FGF12: variants seen among roughly 807,000 people sequenced by gnomAD.
FGF12 encodes the protein fibroblast growth factor 12B.
Under a neutral mutation model 23.6 loss-of-function variants are expected in FGF12, and 14 were observed. That is an observed-to-expected ratio of 0.59 (90% CI 0.39 to 0.93). The LOEUF is 0.93. Ranked by LOEUF, FGF12 falls within the 40% of genes least tolerant of loss-of-function variation. The pLI is 0.00. For synonymous variants in FGF12, 62 were observed against 77.3 expected (o/e 0.80, Z 1.04); for missense variants, 175 against 217.8 (o/e 0.80, Z 1.24).
intron 4 of FGF12, among the ~76,000 whole-genome samples, chr3:192,329,284 T>A (rs1716987858): frequency 6.6e-6 from 1 of 152,166 alleles, no homozygotes; most frequent in African/African-American, 2.4e-5. Flanking sequence ...AGATTTGAGC[T>A]GAGCTTTAAG....
intron 2 of FGF12, among the ~76,000 whole-genome samples, chr3:192,609,567 C>A (rs1020202003): frequency 2.0e-5 from 3 of 152,056 alleles, no homozygotes; most frequent in Non-Finnish European, 4.4e-5. Flanking sequence ...TAATATCTTG[C>A]AAGTAAGCTT....
chr3:192,310,016 C>A (rs1365549910), intron 4 of FGF12, among the ~76,000 whole-genome samples: 1 of 152,046 alleles, frequency 6.6e-6, no homozygotes, highest in Non-Finnish European at 1.5e-5. Flanking sequence ...GGTAAATTAT[C>A]GAGCATGAAA....
chr3:192,427,582 G>A (rs1721734082), intron 2 of FGF12, among the ~76,000 whole-genome samples: 1 of 152,118 alleles, frequency 6.6e-6, no homozygotes, highest in Non-Finnish European at 1.5e-5. Context: ...CAATATGGTA[G>A]GCATTTATTT....
intron 4 of FGF12, among the ~76,000 whole-genome samples, chr3:192,282,085 GT>G (rs1055784130): frequency 3.3e-5 from 5 of 152,132 alleles, no homozygotes; most frequent in Non-Finnish European, 7.3e-5. Context: ...GATAGGTGGT[GT>G]TTTTAATCAT....
chr3:192,155,108 C>T (rs558307425), intron 5 of FGF12, among the ~76,000 whole-genome samples: 8 of 148,692 alleles, frequency 5.4e-5, no homozygotes, highest in Non-Finnish European at 1.0e-4. Context: ...TTCTTTGACT[C>T]GGAAAGGGAA....
intron 3 of FGF12, among the ~76,000 whole-genome samples, chr3:192,352,575 A>G (rs1718275547): frequency 6.6e-6 from 1 of 152,198 alleles, no homozygotes; most frequent in African/African-American, 2.4e-5. Context: ...CACTGCTAAG[A>G]ATTCTATTTC....
At chr3:192,183,293 C>T (rs543421970) in intron 4 of FGF12, among the ~76,000 whole-genome samples, 2 of 152,164 alleles carry the variant, frequency 1.3e-5, no homozygotes, top group African/African-American at 2.4e-5. Flanking sequence ...TAGAAACGCA[C>T]ATCTCACAGG....
chr3:192,618,589 A>G (rs1012859959), intron 2 of FGF12, among the ~76,000 whole-genome samples: 4 of 152,132 alleles, frequency 2.6e-5, no homozygotes, highest in African/African-American at 9.7e-5. Flanking sequence ...TTAAAGCTAA[A>G]AATATTCTCT....
intron 2 of FGF12, among the ~76,000 whole-genome samples, chr3:192,546,489 A>C (rs1725497896): frequency 7.7e-5 from 1 of 12,934 alleles, no homozygotes; most frequent in Non-Finnish European, 1.6e-4. Context: ...TACTTTTCAA[A>C]AAAAAAAAAA....
chr3:192,434,951 G>A (rs191144490), intron 2 of FGF12, among the ~76,000 whole-genome samples: 173 of 152,208 alleles, frequency 1.1e-3, no homozygotes, highest in African/African-American at 3.9e-3. Context: ...CAGTGGTGCT[G>A]TCTTAGCCAT....
At chr3:192,662,113 G>A (rs1312679379) in intron 2 of FGF12, among the ~76,000 whole-genome samples, 2 of 152,122 alleles carry the variant, frequency 1.3e-5, no homozygotes, top group Non-Finnish European at 2.9e-5. Flanking sequence ...AAGAAATGGT[G>A]AAAGAAAAGA....
chr3:192,487,569 A>G (rs1723673069), intron 2 of FGF12, among the ~76,000 whole-genome samples: 1 of 152,084 alleles, frequency 6.6e-6, no homozygotes, highest in African/African-American at 2.4e-5. Context: ...TCTACTGTTC[A>G]TGTCATTGCT....
intron 2 of FGF12, among the ~76,000 whole-genome samples, chr3:192,373,127 G>A (rs1452920385): frequency 1.3e-5 from 2 of 151,360 alleles, no homozygotes; most frequent in Admixed American, 6.6e-5. Context: ...TTCATTGCAC[G>A]TAGTCGAATT....
At position 192,334,698 on chromosome 3, in the gene FGF12, G is replaced by A. The variant is rs149440052; in HGVS notation, c.228+663C>T. Among the ~76,000 whole-genome samples the A allele has an allele frequency of 5.7e-3, 868 of 152,166 alleles. 6 individuals carry two copies. Among genetic ancestry groups the A allele is most frequent in the Admixed American group, 0.019 (293 of 15,242 alleles). Reference sequence around the variant, plus strand: ...TGCCAGTTTGGGATTTGAAAGACATGATACAACATTGTGTCCAACATGCTC... The same window carrying A: ...TGCCAGTTTGGGATTTGAAAGACATAATACAACATTGTGTCCAACATGCTC... On this transcript the variant is annotated intron_variant, in intron 4 of 5. Transcript: ENST00000445105.
chr3:192,514,599 A>C lies in FGF12; in HGVS notation c.14-154061T>G. The C allele has an allele frequency of 2.8e-6, 2 of 710,256 alleles. No individual in the cohort carries two copies. The highest frequency in any genetic ancestry group is 3.5e-6 in the Non-Finnish European group (2 of 578,560). The allele number at this position is 710,256 out of a possible 1,614,324, so 44.0% of individuals were successfully genotyped here. The stretch of plus-strand genomic sequence containing the variant: ...AATGAAGCAGAGGAGGGCGGCGGAG[A>C]GGGCCCCGGAAGAAGGGAAGGGGGC... On this transcript the variant is annotated intron_variant, in intron 2 of 5. Transcript: ENST00000445105. This position sits in a 1 kb window ranked among gnomAD's most constrained non-coding sequence, Gnocchi z 4.9.
intron 4 of FGF12, among the ~76,000 whole-genome samples, chr3:192,230,830 A>G (rs982656789): frequency 1.9e-4 from 29 of 152,162 alleles, no homozygotes; most frequent in Admixed American, 1.8e-3. Context: ...AAATTCATAT[A>G]GTGCATCAGC....
intron 3 of FGF12, among the ~76,000 whole-genome samples, chr3:192,339,678 T>TC: frequency 6.6e-6 from 1 of 152,282 alleles, no homozygotes; most frequent in East Asian, 1.9e-4. Context: ...CTTGTTGAAC[T>TC]CCCCCATGAA....
rs772028023 is a variant in FGF12, at chr3:192,335,407, G to A, written c.182C>T (p.Ala61Val). ...LRVVAIQGVK[A>V]SLYVAMNGEG... Reference sequence around the variant, plus strand: ...ACCATTCATGGCCACATAGAGGCTAGCCTTCACTCCTTGGATGGCCACTAC... The same window carrying A: ...ACCATTCATGGCCACATAGAGGCTAACCTTCACTCCTTGGATGGCCACTAC... The change falls in exon 4 of 6, where the codon GCT (alanine) becomes GTT (valine). Residue 61 changes from alanine (A) to valine (V), a missense_variant. Transcript: ENST00000445105. The A allele has an allele frequency of 6.2e-7, 1 of 1,613,142 alleles. No homozygotes were observed. Among genetic ancestry groups the A allele is most frequent in the Non-Finnish European group, 8.5e-7 (1 of 1,179,496 alleles).
In FGF12 at chr3:192,142,394, AATACAT is replaced by A. The variant is rs1713445513; in HGVS notation, c.*1609_*1614del. On this transcript the variant is annotated 3_prime_UTR_variant, in exon 6 of 6. Coordinates refer to ENST00000445105, the MANE Select transcript of FGF12 (RefSeq NM_004113.6). ...TATTTTAGGGAGTCATATTTGGAAC[AATACAT>A]GCTGGACAGTAGAGATATAGGAGAA... 6.6e-6 allele frequency: 1 copy of A among 152,544 alleles called. No homozygotes were observed. Among genetic ancestry groups the A allele is most frequent in the East Asian group, 1.9e-4 (1 of 5,184 alleles). 9.4% of individuals were successfully genotyped at this position (152,544 alleles called of 1,614,324 possible). A position where few individuals can be genotyped will look rare whatever the true frequency, so the allele number is the denominator to read the frequency against.
Sources: gnomAD v4.1 joint callset for allele counts (sites outside exome capture counted in the v4.1 genomes callset) on GRCh38, gnomAD v4.1.1 for gene constraint, Gnocchi (gnomAD v3.1) non-coding constraint, MANE v1.5 for transcripts, NCBI Gene and HGNC (gene_info 2026-07-23, HGNC 2026-07-21) for gene names.